Variants in PRKAR1A observed in about 807,000 individuals in gnomAD.
PRKAR1A encodes protein kinase cAMP-dependent type I regulatory subunit alpha, also known as cAMP-dependent protein kinase type I-alpha regulatory subunit.
In PRKAR1A, 3 loss-of-function variants were observed where a neutral mutation model predicts 52.0. The observed-to-expected ratio is 0.06, with a 90% CI of 0.03 to 0.15. The LOEUF (loss-of-function observed/expected upper bound fraction) is 0.15. PRKAR1A is among the 10% of genes least tolerant of loss of function. The pLI is 1.00. For missense variants in PRKAR1A, 240 were observed against 477.4 expected (o/e 0.50, Z 4.63); for synonymous variants, 188 against 168.4 (o/e 1.12, Z -0.90).
chr17:68,505,555 G>C, the PRKAR1A span, among the ~76,000 whole-genome samples: 6 of 152,352 alleles, frequency 3.9e-5, no homozygotes, highest in African/African-American at 1.4e-4. Flanking sequence ...GCTCAGGCTT[G>C]TAATCCTAGC....
chr17:68,541,087 A>G (rs2086269076), intron 11 of PRKAR1A: 3 of 1,413,204 alleles, frequency 2.1e-6, no homozygotes, highest in Admixed American at 2.1e-5. Flanking sequence ...GGCAGCTTCT[A>G]AAATTCAGAA....
At chr17:68,427,102 A>C in the PRKAR1A span, 2 of 1,559,554 alleles carry the variant, frequency 1.3e-6, no homozygotes, top group African/African-American at 1.4e-5. Context: ...TCACTGTTGG[A>C]GATGCTCCCC....
chr17:68,538,719 A>G (rs984248952), intron 11 of PRKAR1A, among the ~76,000 whole-genome samples: 1 of 152,248 alleles, frequency 6.6e-6, no homozygotes, highest in African/African-American at 2.4e-5. Context: ...CTGATTAGTA[A>G]TATCAAAACC....
intron 11 of PRKAR1A, chr17:68,542,186 A>G: frequency 6.2e-7 from 1 of 1,613,422 alleles, no homozygotes; most frequent in Non-Finnish European, 8.5e-7. Flanking sequence ...GGGAGGAGAG[A>G]GGAGGAGTAA....
chr17:68,466,128 A>G, the PRKAR1A span, among the ~76,000 whole-genome samples: 4 of 152,222 alleles, frequency 2.6e-5, no homozygotes, highest in South Asian at 2.1e-4. Context: ...CACTTACCCA[A>G]ATTTCACCGG....
At chr17:68,433,438 T>G in the PRKAR1A span, 55 of 1,593,514 alleles carry the variant, frequency 3.5e-5, no homozygotes, top group Non-Finnish European at 4.3e-5. Context: ...TTTCGTTTAA[T>G]GAGCATTTGG....
chr17:68,538,118 T>C (rs905043912), downstream of PRKAR1A, among the ~76,000 whole-genome samples: 1 of 152,260 alleles, frequency 6.6e-6, no homozygotes, highest in African/African-American at 2.4e-5. Flanking sequence ...ATGAGCTATT[T>C]GCTGTCTCAA....
chr17:68,427,534 T>C, the PRKAR1A span: 1 of 244,640 alleles, frequency 4.1e-6, no homozygotes, highest in African/African-American at 2.3e-5. Flanking sequence ...TTTTTGTATT[T>C]TTAGTAGAGA....
the PRKAR1A span, chr17:68,440,942 C>T: frequency 6.6e-6 from 1 of 152,226 alleles, no homozygotes; most frequent in Non-Finnish European, 1.5e-5. Flanking sequence ...ATGCCCTATG[C>T]TCCTACAAAA....
At chr17:68,541,678 C>T (rs574962230) in intron 11 of PRKAR1A, 6 of 277,638 alleles carry the variant, frequency 2.2e-5, no homozygotes, top group South Asian at 2.1e-4. Context: ...GCTGTGTTTT[C>T]GTGATCTGGC....
chr17:68,498,960 C>T, the PRKAR1A span, among the ~76,000 whole-genome samples: 90 of 152,328 alleles, frequency 5.9e-4, no homozygotes, highest in African/African-American at 2.1e-3. Context: ...GCCTCTTCCT[C>T]ACTACATGAC....
chr17:68,527,672 G>A, intron 7 of PRKAR1A, 168 bp from the exon 8 acceptor site: 1 of 598,702 alleles, frequency 1.7e-6, no homozygotes, highest in South Asian at 2.0e-5. Context: ...TTCATTACCT[G>A]TAAAATAAAA....
chr17:68,435,719 G>C, the PRKAR1A span: 3 of 1,614,026 alleles, frequency 1.9e-6, no homozygotes, highest in Non-Finnish European at 2.5e-6. Context: ...TTTTCTGTTG[G>C]TGAAAAGGAA....
intron 2 of PRKAR1A, among the ~76,000 whole-genome samples, chr17:68,520,731 T>G (rs1415758651): frequency 3.3e-5 from 5 of 152,200 alleles, no homozygotes; most frequent in African/African-American, 7.2e-5. Flanking sequence ...TTTAAAAGAC[T>G]CACTAGAATC....
chr17:68,524,227 A>T (rs2085711939), intron 5 of PRKAR1A, 150 bp downstream of exon 5: 1 of 721,492 alleles, frequency 1.4e-6, no homozygotes, highest in African/African-American at 1.8e-5. Context: ...TATTTCTTTT[A>T]AATTAAGATT....
At chr17:68,466,848 C>T in the PRKAR1A span, among the ~76,000 whole-genome samples, 2 of 152,142 alleles carry the variant, frequency 1.3e-5, no homozygotes, top group Non-Finnish European at 2.9e-5. Flanking sequence ...TGTGCATCCA[C>T]CTCCGTTATC....
rs1412666288 is a variant in PRKAR1A, at chr17:68,531,318, C to T, written c.*869C>T. ...TACATTCTTGGTTGTTAATTTAGAG[C>T]GTTTGGTTAAAGTATGTCCTTCAGC... On this transcript the variant is annotated 3_prime_UTR_variant, in exon 11 of 11. Transcript: ENST00000589228. 4.7e-6 allele frequency: 5 copies of T among 1,065,718 alleles called. No homozygotes were observed. The African/African-American group carries it at 4.9e-5, about 10-fold the overall frequency. 66.0% of individuals were successfully genotyped at this position (1,065,718 alleles called of 1,614,324 possible).
the PRKAR1A span, among the ~76,000 whole-genome samples, chr17:68,429,301 C>T: frequency 6.6e-6 from 1 of 152,212 alleles, no homozygotes; most frequent in African/African-American, 2.4e-5. Context: ...GATTGGCTTA[C>T]TGTCTTTGCT....
chr17:68,457,245 C>T, the PRKAR1A span: 2 of 1,435,438 alleles, frequency 1.4e-6, no homozygotes, highest in South Asian at 1.2e-5. Context: ...GCCGAGGCCG[C>T]CTCGAGGCGG....
Sources: gnomAD v4.1 joint callset for allele counts (sites outside exome capture counted in the v4.1 genomes callset) on GRCh38, gnomAD v4.1.1 for gene constraint, MANE v1.5 for transcripts, NCBI Gene and HGNC (gene_info 2026-07-23, HGNC 2026-07-21) for gene names.